Variants in GABRB2 observed in about 807,000 individuals in gnomAD.
The protein encoded by GABRB2 is gamma-aminobutyric acid type A receptor subunit beta2.
A neutral mutation model predicts 54.7 loss-of-function variants in GABRB2; 16 were observed. That is an observed-to-expected ratio of 0.29 (90% CI 0.20 to 0.44). GABRB2 has a LOEUF of 0.44. GABRB2 is among the 20% of genes least tolerant of loss of function. The pLI is 1.00. For missense variants in GABRB2, 355 were observed against 644.0 expected, an observed-to-expected ratio of 0.55 and a Z score of 4.86; for synonymous variants, 244 against 233.8, an observed-to-expected ratio of 1.04 and a Z score of -0.40.
intron 4 of GABRB2, among the ~76,000 whole-genome samples, chr5:161,429,357 A>AAAAAAAAAAAAAAAAAAAAAAT (rs1402875797): frequency 6.5e-5 from 7 of 108,244 alleles, no homozygotes; most frequent in African/African-American, 2.0e-4. Flanking sequence ...AAAAAAAAAA[A>AAAAAAAAAAAAAAAAAAAAAAT]AGAAAAAGAA....
intron 3 of GABRB2, among the ~76,000 whole-genome samples, chr5:161,494,609 T>A (rs1759175448): frequency 6.6e-6 from 1 of 151,248 alleles, no homozygotes; most frequent in Non-Finnish European, 1.5e-5. Context: ...ATTTCCAGAA[T>A]CTTCCAAAGT....
chr5:161,349,425 A>G (rs914035641), intron 5 of GABRB2, among the ~76,000 whole-genome samples: 13 of 152,144 alleles, frequency 8.5e-5, no homozygotes, highest in African/African-American at 2.4e-4. Context: ...TGAATATGGA[A>G]TTAGTATGCT....
chr5:161,314,720 TTTG>T (rs1210834609), intron 9 of GABRB2, among the ~76,000 whole-genome samples: 3 of 151,990 alleles, frequency 2.0e-5, no homozygotes, highest in Non-Finnish European at 4.4e-5. Context: ...CCTTCCTCCC[TTTG>T]TTCTTTCCCT....
chr5:161,512,763 G>A (rs1759816550), intron 3 of GABRB2, among the ~76,000 whole-genome samples: 1 of 151,926 alleles, frequency 6.6e-6, no homozygotes, highest in African/African-American at 2.4e-5. Flanking sequence ...AGGATTGACA[G>A]AGTAAACACA....
rs938731216 is a variant in GABRB2, at chr5:161,290,660, A to T, written c.*3421T>A. On this transcript the variant is annotated 3_prime_UTR_variant, in exon 10 of 10. Transcript: ENST00000393959. The stretch of plus-strand genomic sequence containing the variant: ...TATGAATCTATATATACACATATAT[A>T]CATGTAGATATGTTGTAAGACCTAT... 2 of 152,594 alleles carry T rather than the reference A, an allele frequency of 1.3e-5. No homozygotes were observed. The highest frequency in any genetic ancestry group is 1.3e-4 in the Admixed American group (2 of 15,262). The allele number at this position is 152,594 out of a possible 1,614,324, so 9.5% of individuals were successfully genotyped here.
At chr5:161,400,705 A>C (rs1284025049) in intron 5 of GABRB2, among the ~76,000 whole-genome samples, 1 of 152,180 alleles carries the variant, frequency 6.6e-6, no homozygotes, top group African/African-American at 2.4e-5. Flanking sequence ...CGTAATGGGA[A>C]TCAGTATCCT....
chr5:161,336,904 T>C (rs960253148), intron 5 of GABRB2, 135 bp from the exon 6 acceptor site: 2 of 922,132 alleles, frequency 2.2e-6, no homozygotes, highest in African/African-American at 1.7e-5. Flanking sequence ...AAGGCTGTTA[T>C]GTGTTTGGTA....
chr5:161,456,517 C>A (rs1382672772), intron 4 of GABRB2, among the ~76,000 whole-genome samples: 1 of 152,140 alleles, frequency 6.6e-6, no homozygotes, highest in Admixed American at 6.6e-5. Context: ...TTATTTCCAT[C>A]TTGCCAGTAC....
At chr5:161,498,743 T>C (rs184059152) in intron 3 of GABRB2, among the ~76,000 whole-genome samples, 2 of 152,160 alleles carry the variant, frequency 1.3e-5, no homozygotes, top group Admixed American at 1.3e-4. Context: ...CACCACAATA[T>C]AAGCCCAGGC....
intron 4 of GABRB2, among the ~76,000 whole-genome samples, chr5:161,416,760 ATTG>A (rs954513601): frequency 6.7e-6 from 1 of 149,684 alleles, no homozygotes; most frequent in Non-Finnish European, 1.5e-5. Context: ...TTCAAAACAT[ATTG>A]TTGTAATACA....
At chr5:161,440,282 C>G (rs765642560) in intron 4 of GABRB2, among the ~76,000 whole-genome samples, 2 of 151,972 alleles carry the variant, frequency 1.3e-5, no homozygotes, top group Non-Finnish European at 2.9e-5. Context: ...ACTCTCCAAT[C>G]AAAACACATT....
At chr5:161,494,315 A>G (rs897150356) in intron 3 of GABRB2, among the ~76,000 whole-genome samples, 1 of 151,884 alleles carries the variant, frequency 6.6e-6, no homozygotes, top group African/African-American at 2.4e-5. Context: ...GACTGTCTAC[A>G]CTTGATGACA....
rs1168541459 is a variant in GABRB2, at chr5:161,290,707, T to C, written c.*3374A>G. On this transcript the variant is annotated 3_prime_UTR_variant, in exon 10 of 10. Transcript: ENST00000393959. ...CTATTTTGATGATGTTGCTTTGCCA[T>C]TTTTCTTGTTGAGTATGAAGGTAAT... 6.6e-6 allele frequency: 1 copy of C among 152,582 alleles called. No individual in the cohort carries two copies. Among genetic ancestry groups the C allele is most frequent in the Non-Finnish European group, 1.5e-5 (1 of 68,000 alleles). 9.5% of individuals were successfully genotyped at this position (152,582 alleles called of 1,614,324 possible). A position where few individuals can be genotyped will look rare whatever the true frequency, so the allele number is the denominator to read the frequency against.
intron 3 of GABRB2, among the ~76,000 whole-genome samples, chr5:161,515,985 T>C (rs1349825487): frequency 1.3e-5 from 2 of 152,182 alleles, no homozygotes; most frequent in African/African-American, 4.8e-5. Context: ...TGCTGCTTCA[T>C]GGAGGTTTGT....
intron 5 of GABRB2, among the ~76,000 whole-genome samples, chr5:161,362,717 G>T (rs759696350): frequency 4.6e-5 from 7 of 151,964 alleles, no homozygotes; most frequent in Non-Finnish European, 8.8e-5. Flanking sequence ...GTAGGTGAAG[G>T]ATATGAACAG....
chr5:161,488,324 G>A (rs1016806889), intron 3 of GABRB2, among the ~76,000 whole-genome samples: 3 of 151,170 alleles, frequency 2.0e-5, no homozygotes, highest in Non-Finnish European at 4.4e-5. Context: ...GGACATTTAG[G>A]TTTAGTCCTA....
Position 161,440,580 on chromosome 5 carries a change from C to A in GABRB2, c.458+19044G>T, listed in dbSNP as rs377176561. Among the ~76,000 whole-genome samples the A allele has an allele frequency of 1.2e-4, 19 of 152,182 alleles. 1 individual carries two copies. The South Asian group carries it at 3.9e-3, about 32-fold the overall frequency. ...CACCCAACATTGGAGCACCCAGATA[C>A]ATAAGGCAAATATTATTAGAAGCAA... On this transcript the variant is annotated intron_variant, in intron 4 of 9. Coordinates refer to ENST00000393959, the MANE Select transcript of GABRB2 (RefSeq NM_001371727.1).
At chr5:161,452,109 A>G (rs1482063864) in intron 4 of GABRB2, among the ~76,000 whole-genome samples, 1 of 152,200 alleles carries the variant, frequency 6.6e-6, no homozygotes, top group Non-Finnish European at 1.5e-5. Flanking sequence ...TGCTCACAAA[A>G]ACATGTCATC....
chr5:161,407,101 T>C (rs1353014546), intron 5 of GABRB2, among the ~76,000 whole-genome samples: 4 of 152,072 alleles, frequency 2.6e-5, no homozygotes, highest in African/African-American at 9.7e-5. Context: ...TTTAGAGAAT[T>C]CCTTCTTCCT....
Sources: gnomAD v4.1 joint callset for allele counts (sites outside exome capture counted in the v4.1 genomes callset) on GRCh38, gnomAD v4.1.1 for gene constraint, MANE v1.5 for transcripts, NCBI Gene and HGNC (gene_info 2026-07-23, HGNC 2026-07-21) for gene names.